SPAG6: variants seen among roughly 807,000 people sequenced by gnomAD.
The protein encoded by SPAG6 is sperm associated antigen 6, also known as sperm-associated antigen 6.
In SPAG6, 49 loss-of-function variants were observed where a neutral mutation model predicts 58.5. The ratio of observed to expected loss-of-function variants is 0.84; its 90% CI spans 0.67 to 1.06. The LOEUF (loss-of-function observed/expected upper bound fraction) is 1.06. SPAG6 is among the 50% of genes least tolerant of loss of function. The probability of loss-of-function intolerance (pLI) is 0.00; values close to 1 mark genes in which losing one functional copy is unlikely to be tolerated. For missense variants in SPAG6, 560 were observed against 611.3 expected (o/e 0.92, Z 0.89); for synonymous variants, 233 against 225.6 (o/e 1.03, Z -0.29).
intron 10 of SPAG6, chr10:22,412,552 T>C (rs1239836043): frequency 5.4e-6 from 6 of 1,117,292 alleles, no homozygotes; most frequent in Non-Finnish European, 7.7e-6. Flanking sequence ...ATATATATGA[T>C]ACATCAAAGC....
intron 8 of SPAG6, among the ~76,000 whole-genome samples, chr10:22,395,683 A>C (rs1323721374): frequency 6.6e-6 from 1 of 152,070 alleles, no homozygotes; most frequent in Admixed American, 6.5e-5. Flanking sequence ...GGGTTATCTT[A>C]TTTTCTTGAT....
chr10:22,346,482 TTCTTC>T (rs1836547868), intron 2 of SPAG6, among the ~76,000 whole-genome samples: 2 of 139,798 alleles, frequency 1.4e-5, no homozygotes, highest in African/African-American at 6.4e-5. Flanking sequence ...CTTCTTCTTC[TTCTTC>T]TTCTTCTTCT....
chr10:22,362,157 ATTTT>A (rs1837063193), intron 2 of SPAG6, among the ~76,000 whole-genome samples: 1 of 145,780 alleles, frequency 6.9e-6, no homozygotes, highest in South Asian at 2.1e-4. Flanking sequence ...ATATATATTT[ATTTT>A]ATATAAATAT....
chr10:22,347,777 G>A (rs1380741365), intron 2 of SPAG6, among the ~76,000 whole-genome samples: 1 of 152,114 alleles, frequency 6.6e-6, no homozygotes, highest in Non-Finnish European at 1.5e-5. Flanking sequence ...AATACGAAAG[G>A]AATATAACTT....
intron 5 of SPAG6, 29 bp from the exon 6 acceptor site, chr10:22,387,791 TTTG>T (rs763063656): frequency 8.9e-5 from 142 of 1,587,924 alleles, no homozygotes; most frequent in South Asian, 7.5e-4. Context: ...TATATAGTGT[TTTG>T]TTGTTGTTGT....
intron 3 of SPAG6, among the ~76,000 whole-genome samples, chr10:22,367,078 A>G (rs901415778): frequency 1.3e-5 from 2 of 151,686 alleles, no homozygotes; most frequent in African/African-American, 4.8e-5. Context: ...GGGGGAAGTG[A>G]AAATTAGGAG....
chr10:22,366,032 G>A (rs1837189405), intron 3 of SPAG6, among the ~76,000 whole-genome samples: 2 of 152,168 alleles, frequency 1.3e-5, no homozygotes, highest in African/African-American at 2.4e-5. Context: ...TGAAACATTT[G>A]TTACCACGTG....
rs987994322 is a variant in SPAG6 at position 22,407,739 on chromosome 10, A to C, written c.1315-3292A>C. Among the ~76,000 whole-genome samples, 3 of 152,134 alleles carry C rather than the reference A, an allele frequency of 2.0e-5. No homozygotes were observed. The South Asian group carries it at 6.2e-4, about 32-fold the overall frequency. ...ATAATATCCTGCAGAATGTTTTCCA[A>C]CTTGGTTCCATTCTCCCCGTCACTT... On this transcript the variant is annotated intron_variant, in intron 9 of 10. Transcript: ENST00000376624.
At chr10:22,401,793 G>A (rs1216026240) in intron 9 of SPAG6, among the ~76,000 whole-genome samples, 1 of 152,152 alleles carries the variant, frequency 6.6e-6, no homozygotes, top group African/African-American at 2.4e-5. Flanking sequence ...ATAGTAAATG[G>A]TAGTAAGGTA....
intron 2 of SPAG6, among the ~76,000 whole-genome samples, chr10:22,347,161 A>T (rs527922597): frequency 1.3e-5 from 2 of 152,292 alleles, no homozygotes; most frequent in Admixed American, 1.3e-4. Flanking sequence ...TTATAGCCAC[A>T]CACACCTCCT....
intron 4 of SPAG6, among the ~76,000 whole-genome samples, chr10:22,384,361 G>T (rs753548734): frequency 2.4e-4 from 37 of 152,308 alleles, no homozygotes; most frequent in Non-Finnish European, 3.7e-4. Flanking sequence ...TGGCTATCGG[G>T]TAGACACCAA....
In SPAG6 at chr10:22,345,673, C is replaced by T. The variant is rs777875063; in HGVS notation, c.25+37C>T. 11 of 1,576,222 alleles carry T rather than the reference C, an allele frequency of 7.0e-6. 1 individual carries two copies. The East Asian group carries it at 2.6e-4, about 37-fold the overall frequency. ...GCGGGCAGGTGCCCTAACTAGCTGG[C>T]GCCGAGGAGACCCGGGTGCGGTGGG... On this transcript the variant is annotated intron_variant, in intron 1 of 10. Coordinates refer to ENST00000376624, the MANE Select transcript of SPAG6 (RefSeq NM_012443.4). The surrounding 1 kb of genome is among the most constrained non-coding windows in gnomAD (Gnocchi z 6.3).
chr10:22,363,676 T>C (rs1178738881), intron 2 of SPAG6, among the ~76,000 whole-genome samples: 1 of 152,242 alleles, frequency 6.6e-6, no homozygotes, highest in Non-Finnish European at 1.5e-5. Flanking sequence ...GTTACTATAA[T>C]GGCTTCTCGA....
intron 2 of SPAG6, among the ~76,000 whole-genome samples, chr10:22,358,794 A>G (rs1836947063): frequency 6.6e-6 from 1 of 152,228 alleles, no homozygotes; most frequent in Non-Finnish European, 1.5e-5. Context: ...TCAGCTTTCT[A>G]CATATGGCTA....
chr10:22,388,281 C>A lies in SPAG6; in HGVS notation c.852+285C>A, dbSNP rs560874027. Among the ~76,000 whole-genome samples, 36 of 152,044 alleles carry A rather than the reference C, an allele frequency of 2.4e-4. No homozygotes were observed. The South Asian group carries it at 5.4e-3, about 23-fold the overall frequency. On this transcript the variant is annotated intron_variant, in intron 6 of 10. Transcript: ENST00000376624. ...CAATCAAAAATGTCTCCATACTTTG[C>A]CATGTGTTCCTCAGGGAGCAAAACT...
intron 2 of SPAG6, among the ~76,000 whole-genome samples, chr10:22,350,402 A>G (rs1349732250): frequency 1.3e-5 from 2 of 152,188 alleles, no homozygotes; most frequent in Non-Finnish European, 2.9e-5. Context: ...TAATAGAGTC[A>G]GGGTTAGGCT....
chr10:22,359,303 T>C, intron 2 of SPAG6: 3 of 289,874 alleles, frequency 1.0e-5, no homozygotes, highest in Non-Finnish European at 1.5e-5. Flanking sequence ...AGAATGTAGC[T>C]TTAGATTAAA....
At chr10:22,386,589 G>T (rs1834068078) in intron 4 of SPAG6, among the ~76,000 whole-genome samples, 165 bp from the exon 5 acceptor site, 1 of 152,086 alleles carries the variant, frequency 6.6e-6, no homozygotes, top group South Asian at 2.1e-4. Flanking sequence ...GCTCAGGATT[G>T]GTCCACATGG....
At chr10:22,383,717 T>C (rs1042738969) in intron 4 of SPAG6, among the ~76,000 whole-genome samples, 5 of 152,120 alleles carry the variant, frequency 3.3e-5, no homozygotes. Context: ...CTTCCTGAAA[T>C]GATACTTCTG....
Sources: allele counts gnomAD v4.1 joint callset (sites outside exome capture counted in the v4.1 genomes callset), GRCh38; gene constraint gnomAD v4.1.1; non-coding constraint Gnocchi (gnomAD v3.1); transcripts MANE v1.5; gene names NCBI Gene and HGNC (gene_info 2026-07-23, HGNC 2026-07-21).